Variants in CAMTA1 observed in about 807,000 individuals in gnomAD.
The protein encoded by CAMTA1 is calmodulin binding transcription activator 1, also known as calmodulin-binding transcription activator 1.
A neutral mutation model predicts 170.9 loss-of-function variants in CAMTA1; 27 were observed. The observed-to-expected ratio is 0.16, with a 90% CI of 0.12 to 0.22. The LOEUF (loss-of-function observed/expected upper bound fraction) is 0.22, where lower values mean the gene tolerates loss of function less well. Among genes scored for constraint, CAMTA1 ranks in the 10% least tolerant of loss-of-function variants. The pLI is 1.00. For missense variants in CAMTA1, 1,619 were observed against 2,217.2 expected (o/e 0.73, Z 5.42); for synonymous variants, 833 against 891.5 (o/e 0.93, Z 1.17).
intron 4 of CAMTA1, among the ~76,000 whole-genome samples, chr1:7,127,421 T>A (rs1175772687): frequency 1.3e-5 from 2 of 151,992 alleles, no homozygotes; most frequent in Admixed American, 1.3e-4. Flanking sequence ...TGTCTCTTCA[T>A]CTGCACTGTT....
chr1:7,028,080 T>A (rs1702255279), intron 3 of CAMTA1, among the ~76,000 whole-genome samples: 1 of 152,078 alleles, frequency 6.6e-6, no homozygotes, highest in South Asian at 2.1e-4. Flanking sequence ...AACTTTTGTA[T>A]TTTTAGTAGA....
chr1:7,679,775 C>T (rs2096168232), intron 11 of CAMTA1, among the ~76,000 whole-genome samples: 1 of 152,354 alleles, frequency 6.6e-6, no homozygotes, highest in Non-Finnish European at 1.5e-5. Context: ...GCTTGGACCC[C>T]CAGCTCAGAG....
intron 6 of CAMTA1, among the ~76,000 whole-genome samples, chr1:7,628,839 C>T (rs2095650045): frequency 6.6e-6 from 1 of 152,230 alleles, no homozygotes; most frequent in Non-Finnish European, 1.5e-5. Flanking sequence ...GGCAAGACCT[C>T]TTTGAGGCTG....
chr1:7,126,772 C>CT (rs1275975346), intron 4 of CAMTA1, among the ~76,000 whole-genome samples: 3 of 152,078 alleles, frequency 2.0e-5, no homozygotes, highest in African/African-American at 7.2e-5. Flanking sequence ...ACTGCCATTT[C>CT]TTTTTTATGT....
Position 7,426,638 on chromosome 1 carries a change from G to A in CAMTA1, c.439-41192G>A, listed in dbSNP as rs1352008322. On this transcript the variant is annotated intron_variant, in intron 5 of 22. Transcript: ENST00000303635. The surrounding 1 kb of genome is among the most constrained non-coding windows in gnomAD (Gnocchi z 4.8). ...CTCAGAGCTTCTGTGATTGGGGGCT[G>A]ATGGCGACTGTGCAAAAAAGCAGGG... Among the ~76,000 whole-genome samples the A allele has an allele frequency of 6.6e-6, 1 of 151,982 alleles. No homozygotes were observed. Among genetic ancestry groups the A allele is most frequent in the Non-Finnish European group, 1.5e-5 (1 of 68,028 alleles).
chr1:7,753,864 G>T (rs1347597640), intron 21 of CAMTA1, among the ~76,000 whole-genome samples: 1 of 152,182 alleles, frequency 6.6e-6, no homozygotes, highest in African/African-American at 2.4e-5. Flanking sequence ...TAACATACCA[G>T]TGTCAGTACT....
intron 5 of CAMTA1, among the ~76,000 whole-genome samples, chr1:7,397,657 C>G (rs1009770149): frequency 4.6e-5 from 7 of 152,004 alleles, no homozygotes; most frequent in Non-Finnish European, 1.0e-4. Context: ...ATAAACTTCT[C>G]TCTTAGAACT....
chr1:7,480,288 T>A (rs2093502263), intron 6 of CAMTA1, among the ~76,000 whole-genome samples: 1 of 150,586 alleles, frequency 6.6e-6, no homozygotes, highest in Non-Finnish European at 1.5e-5. Flanking sequence ...TGTGTATGAG[T>A]GCGTGTGTGT....
chr1:7,563,628 A>C (rs2094992638), intron 6 of CAMTA1, among the ~76,000 whole-genome samples: 1 of 152,234 alleles, frequency 6.6e-6, no homozygotes, highest in Non-Finnish European at 1.5e-5. Flanking sequence ...GATGGCAGCC[A>C]GTGCGTTTGC....
intron 6 of CAMTA1, among the ~76,000 whole-genome samples, chr1:7,584,059 T>C (rs2095286281): frequency 6.6e-6 from 1 of 151,992 alleles, no homozygotes; most frequent in African/African-American, 2.4e-5. Context: ...ACCCTTAGGG[T>C]GGGGACTCTG....
rs911180255 is a variant in CAMTA1 at position 7,037,251 on chromosome 1, T to C, written c.235-54053T>C. On this transcript the variant is annotated intron_variant, in intron 3 of 22. Transcript: ENST00000303635. ...GCATGAATGCTTCTGGGAGGATGGGTTGGGATTTACAGAGTTTAAAAACAG... is the reference window on the plus strand; with the variant it reads ...GCATGAATGCTTCTGGGAGGATGGGCTGGGATTTACAGAGTTTAAAAACAG... 2.0e-5 allele frequency among the ~76,000 whole-genome samples: 3 copies of C among 152,004 alleles called. No homozygotes were observed. In the South Asian group the frequency reaches 6.2e-4, roughly 32 times the overall value.
chr1:7,680,545 G>A lies in CAMTA1; in HGVS notation c.2914+2812G>A, dbSNP rs916362394. 5.3e-5 allele frequency among the ~76,000 whole-genome samples: 8 copies of A among 151,784 alleles called. No homozygotes were observed. Among genetic ancestry groups the A allele is most frequent in the Non-Finnish European group, 8.8e-5 (6 of 67,866 alleles). ...CGGCGCCGCGCCCCGCGGGGTCTGG[G>A]GCCCCAGCAGGGACTGCGAGGACCG... On this transcript the variant is annotated intron_variant, in intron 11 of 22. Coordinates refer to ENST00000303635, the MANE Select transcript of CAMTA1 (RefSeq NM_015215.4). This position sits in a 1 kb window ranked among gnomAD's most constrained non-coding sequence, Gnocchi z 4.4.
At chr1:7,346,665 G>A (rs1391389086) in intron 5 of CAMTA1, among the ~76,000 whole-genome samples, 1 of 152,186 alleles carries the variant, frequency 6.6e-6, no homozygotes, top group Non-Finnish European at 1.5e-5. Flanking sequence ...GCCTCCAGAA[G>A]CAGGGTAGGC....
In CAMTA1 at chr1:7,748,203, C is replaced by T. The variant is rs183309901; in HGVS notation, c.4689+422C>T. ...CTGGGATTACAAGCATGAGCCGCAG[C>T]GCCCGGCCAGAGACTTAATTTGAAC... On this transcript the variant is annotated intron_variant, in intron 19 of 22. Transcript: ENST00000303635. This position sits in a 1 kb window ranked among gnomAD's most constrained non-coding sequence, Gnocchi z 4.7. Among the ~76,000 whole-genome samples, 4 of 152,150 alleles carry T rather than the reference C, an allele frequency of 2.6e-5. No individual in the cohort carries two copies. The highest frequency in any genetic ancestry group is 2.1e-4 in the South Asian group (1 of 4,818).
intron 5 of CAMTA1, among the ~76,000 whole-genome samples, chr1:7,260,392 T>C (rs1466446961): frequency 6.6e-6 from 1 of 152,234 alleles, no homozygotes; most frequent in Non-Finnish European, 1.5e-5. Flanking sequence ...TAGCATAGGC[T>C]TGTTTGTTTC....
chr1:6,911,250 G>A (rs1209250079), intron 3 of CAMTA1, among the ~76,000 whole-genome samples: 1 of 152,154 alleles, frequency 6.6e-6, no homozygotes, highest in African/African-American at 2.4e-5. Context: ...GGCTCTGTGA[G>A]GTGGTCCTTG....
At chr1:7,704,200 G>A (rs1171845751) in intron 11 of CAMTA1, among the ~76,000 whole-genome samples, 2 of 147,944 alleles carry the variant, frequency 1.4e-5, no homozygotes, top group Admixed American at 6.7e-5. Context: ...CAGGGAGCCC[G>A]AGCCCGGGAA....
chr1:7,422,612 A>G (rs979666541), intron 5 of CAMTA1, among the ~76,000 whole-genome samples: 1 of 152,176 alleles, frequency 6.6e-6, no homozygotes, highest in African/African-American at 2.4e-5. Context: ...GAGGATTTTA[A>G]TATCCCTCTT....
chr1:6,880,383 G>GTTTT lies in CAMTA1; in HGVS notation c.234+55194_234+55197dup, dbSNP rs34745856. Among the ~76,000 whole-genome samples the GTTTT allele has an allele frequency of 7.3e-3, 489 of 67,178 alleles. 14 individuals are homozygous for GTTTT. The highest frequency in any genetic ancestry group is 9.2e-3 in the Non-Finnish European group (348 of 37,630). The allele number at this position is 67,178 out of a possible 152,430, so 44.1% of individuals were successfully genotyped here. On this transcript the variant is annotated intron_variant, in intron 3 of 22. Transcript: ENST00000303635. Reference sequence around the variant, plus strand: ...GCCACCAGGCCCAGCCTCTAAAAGTGTTTTTTTTTTTTTTTTTTTTTTTTG... The same window carrying GTTTT: ...GCCACCAGGCCCAGCCTCTAAAAGTGTTTTTTTTTTTTTTTTTTTTTTTTTTTTG...
Sources: allele counts gnomAD v4.1 joint callset (sites outside exome capture counted in the v4.1 genomes callset), GRCh38; gene constraint gnomAD v4.1.1; non-coding constraint Gnocchi (gnomAD v3.1); transcripts MANE v1.5; gene names NCBI Gene and HGNC (gene_info 2026-07-23, HGNC 2026-07-21).